The following GRIK1 variants were observed in gnomAD, a reference collection of about 807,000 sequenced individuals.
GRIK1 encodes glutamate receptor ionotropic, kainate 1.
GRIK1 carries 69 observed loss-of-function variants against 105.7 expected under a neutral mutation model. The ratio of observed to expected loss-of-function variants is 0.65; its 90% CI spans 0.54 to 0.80. The LOEUF (loss-of-function observed/expected upper bound fraction) is 0.80. Among genes scored for constraint, GRIK1 ranks in the 30% least tolerant of loss-of-function variants. The pLI is 0.00. For missense variants in GRIK1, 1,109 were observed against 1,167.3 expected (o/e 0.95, Z 0.73); for synonymous variants, 438 against 431.3 (o/e 1.02, Z -0.19).
chr21:29,824,742 A>C (rs571000552), intron 1 of GRIK1, among the ~76,000 whole-genome samples: 1 of 152,136 alleles, frequency 6.6e-6, no homozygotes, highest in Admixed American at 6.6e-5. Context: ...AGGGACTGCT[A>C]GGTCATGGTA....
At chr21:29,557,991 G>A (rs563499889) in intron 15 of GRIK1, among the ~76,000 whole-genome samples, 2 of 152,266 alleles carry the variant, frequency 1.3e-5, no homozygotes, top group African/African-American at 4.8e-5. Flanking sequence ...TCAGACAGAT[G>A]AAAATCTGAT....
chr21:29,583,663 T>G (rs1231803776), intron 12 of GRIK1, among the ~76,000 whole-genome samples: 1 of 152,234 alleles, frequency 6.6e-6, no homozygotes, highest in Non-Finnish European at 1.5e-5. Context: ...AACAGCAATG[T>G]GATTCTGCCT....
intron 1 of GRIK1, among the ~76,000 whole-genome samples, chr21:29,802,306 G>A (rs1420261079): frequency 1.3e-5 from 2 of 151,972 alleles, no homozygotes; most frequent in Non-Finnish European, 2.9e-5. Flanking sequence ...CTTAACTTAA[G>A]GCTTTATTAC....
At chr21:29,743,267 A>G (rs977982808) in intron 1 of GRIK1, among the ~76,000 whole-genome samples, 1 of 152,216 alleles carries the variant, frequency 6.6e-6, no homozygotes, top group Non-Finnish European at 1.5e-5. Context: ...TCATGCTTTA[A>G]AAAATTTCAA....
chr21:29,800,855 A>G lies in GRIK1; in HGVS notation c.119-106792T>C, dbSNP rs144161128. ...ACAAGTCGGAGGAGGGAGAAAGAGG[A>G]TCCATGGTCTATACCTGAGTGCCTG... On this transcript the variant is annotated intron_variant, in intron 1 of 17. Transcript: ENST00000327783. Among the ~76,000 whole-genome samples the G allele has an allele frequency of 5.5e-3, 831 of 152,294 alleles. 2 individuals are homozygous for G. Among genetic ancestry groups the G allele is most frequent in the Middle Eastern group, 0.017 (5 of 292 alleles).
chr21:29,654,937 G>A, intron 4 of GRIK1, 74 bp from the exon 5 acceptor site: 1 of 899,460 alleles, frequency 1.1e-6, no homozygotes, highest in Non-Finnish European at 1.9e-6. Flanking sequence ...TAGGGTGACT[G>A]CAAATGCTTG....
intron 1 of GRIK1, among the ~76,000 whole-genome samples, chr21:29,935,594 T>G (rs564090818): frequency 6.6e-6 from 1 of 152,310 alleles, no homozygotes; most frequent in African/African-American, 2.4e-5. Context: ...AGGTAATGAT[T>G]GGCATAAAAT....
chr21:29,670,246 A>G (rs1265581401), intron 4 of GRIK1, among the ~76,000 whole-genome samples: 1 of 152,216 alleles, frequency 6.6e-6, no homozygotes, highest in African/African-American at 2.4e-5. Context: ...TAACACTAAA[A>G]TGATTAGGAA....
At chr21:29,686,329 C>A (rs186492951) in intron 3 of GRIK1, among the ~76,000 whole-genome samples, 62 of 152,142 alleles carry the variant, frequency 4.1e-4, no homozygotes, top group African/African-American at 1.4e-3. Context: ...ATCCAATGAA[C>A]CAGAATATCA....
At chr21:29,740,930 A>T (rs1163806816) in intron 1 of GRIK1, among the ~76,000 whole-genome samples, 1 of 152,182 alleles carries the variant, frequency 6.6e-6, no homozygotes, top group Non-Finnish European at 1.5e-5. Flanking sequence ...TCTCAAGAAG[A>T]TAGATTTTAG....
At chr21:29,805,699 A>G (rs992265968) in intron 1 of GRIK1, among the ~76,000 whole-genome samples, 34 of 152,114 alleles carry the variant, frequency 2.2e-4, no homozygotes, top group Admixed American at 2.0e-3. Context: ...ACAGGGTGCC[A>G]ATTCTCCCCA....
At chr21:29,634,299 C>G (rs1258307260) in intron 7 of GRIK1, among the ~76,000 whole-genome samples, 1 of 152,082 alleles carries the variant, frequency 6.6e-6, no homozygotes, top group East Asian at 1.9e-4. Flanking sequence ...AAAATAGAAC[C>G]ATAAATTACA....
chr21:29,788,207 C>T (rs1194344172), intron 1 of GRIK1, among the ~76,000 whole-genome samples: 3 of 152,176 alleles, frequency 2.0e-5, no homozygotes, highest in African/African-American at 7.2e-5. Flanking sequence ...GTGATAAGTC[C>T]CACAGAGTGA....
chr21:29,747,208 C>T (rs143299547), intron 1 of GRIK1, among the ~76,000 whole-genome samples: 273 of 152,258 alleles, frequency 1.8e-3, no homozygotes, highest in African/African-American at 6.5e-3. Flanking sequence ...TATTAGAGTA[C>T]TAAGAAAGAA....
intron 7 of GRIK1, among the ~76,000 whole-genome samples, chr21:29,627,062 G>T (rs569399968): frequency 1.8e-4 from 28 of 152,114 alleles, no homozygotes; most frequent in African/African-American, 6.3e-4. Context: ...AACCCTCTGG[G>T]TTCCTGTAGA....
intron 14 of GRIK1, among the ~76,000 whole-genome samples, chr21:29,568,009 A>G (rs2090650129): frequency 1.3e-5 from 2 of 152,234 alleles, no homozygotes; most frequent in South Asian, 4.1e-4. Context: ...CCAACATTTA[A>G]AAAATTTATG....
At chr21:29,858,346 T>A (rs1460186168) in intron 1 of GRIK1, among the ~76,000 whole-genome samples, 1 of 152,180 alleles carries the variant, frequency 6.6e-6, no homozygotes, top group African/African-American at 2.4e-5. Context: ...ACCCAGTGCA[T>A]GTTGTCCTTC....
chr21:29,826,864 A>G (rs1468643630), intron 1 of GRIK1, among the ~76,000 whole-genome samples: 2 of 152,222 alleles, frequency 1.3e-5, no homozygotes, highest in Middle Eastern at 3.4e-3. Flanking sequence ...TTTTCAAAGT[A>G]TCAATAGAAG....
At chr21:29,913,189 C>T (rs974549752) in intron 1 of GRIK1, among the ~76,000 whole-genome samples, 1 of 152,024 alleles carries the variant, frequency 6.6e-6, no homozygotes, top group African/African-American at 2.4e-5. Context: ...TGGGTTCGAG[C>T]CCCAGCTCTG....
Sources: allele counts gnomAD v4.1 joint callset (sites outside exome capture counted in the v4.1 genomes callset), GRCh38; gene constraint gnomAD v4.1.1; transcripts MANE v1.5; gene names NCBI Gene and HGNC (gene_info 2026-07-23, HGNC 2026-07-21).